Variants in ACVR2A observed in about 807,000 individuals in gnomAD.
ACVR2A encodes the protein activin receptor type-2A.
In ACVR2A, 7 loss-of-function variants were observed where a neutral mutation model predicts 61.4. The observed-to-expected ratio is 0.11, with a 90% CI of 0.06 to 0.21. ACVR2A has a LOEUF of 0.21. ACVR2A is among the 10% of genes least tolerant of loss of function. The probability of loss-of-function intolerance (pLI) is 1.00; values close to 1 mark genes in which losing one functional copy is unlikely to be tolerated. For synonymous variants in ACVR2A, 193 were observed against 208.3 expected (o/e 0.93, Z 0.63); for missense variants, 322 against 621.7 (o/e 0.52, Z 5.13).
chr2:147,844,975 C>CTTTT, upstream of ACVR2A: 2 of 126,920 alleles, frequency 1.6e-5, no homozygotes, highest in South Asian at 1.5e-4. Context: ...TCTTTTTTTT[C>CTTTT]TTTTTTTTTT....
At chr2:147,846,987 G>A (rs1310711331) in intron 1 of ACVR2A, among the ~76,000 whole-genome samples, 1 of 152,028 alleles carries the variant, frequency 6.6e-6, no homozygotes, top group East Asian at 1.9e-4. Flanking sequence ...TTCTTGAAAA[G>A]CAGGCTGTCG....
chr2:147,881,289 A>G (rs1006245886), intron 1 of ACVR2A, among the ~76,000 whole-genome samples: 1 of 152,142 alleles, frequency 6.6e-6, no homozygotes, highest in East Asian at 1.9e-4. Flanking sequence ...TTGATTTTAA[A>G]ATCAGTGTCT....
At chr2:147,880,863 C>G (rs949325727) in intron 1 of ACVR2A, among the ~76,000 whole-genome samples, 1 of 152,088 alleles carries the variant, frequency 6.6e-6, no homozygotes, top group African/African-American at 2.4e-5. Flanking sequence ...TAGCATGTCA[C>G]CAGAATAGAT....
At chr2:147,908,057 AAAAAAAG>A (rs1236225079) in intron 4 of ACVR2A, among the ~76,000 whole-genome samples, 5 of 145,918 alleles carry the variant, frequency 3.4e-5, no homozygotes, top group South Asian at 2.2e-4. Context: ...AAAAAAAAGA[AAAAAAAG>A]AAAAAAAAAG....
chr2:147,858,132 C>T (rs760088798), intron 1 of ACVR2A, among the ~76,000 whole-genome samples: 1 of 152,100 alleles, frequency 6.6e-6, no homozygotes, highest in African/African-American at 2.4e-5. Flanking sequence ...CTGCGAAGGA[C>T]GTGCTCTCGT....
In ACVR2A at chr2:147,847,511, T is replaced by A. The variant is rs185169592; in HGVS notation, c.55+2304T>A. ...TCATTTCTAGATATTTGATTTTTTTTAAAAATCAAAATGGGAAACAATAGT... is the reference window on the plus strand; with the variant it reads ...TCATTTCTAGATATTTGATTTTTTTAAAAAATCAAAATGGGAAACAATAGT... On this transcript the variant is annotated intron_variant, in intron 1 of 10. Coordinates refer to ENST00000241416, the MANE Select transcript of ACVR2A (RefSeq NM_001616.5). Among the ~76,000 whole-genome samples the A allele has an allele frequency of 2.7e-3, 409 of 152,284 alleles. 8 individuals carry two copies. Among genetic ancestry groups the A allele is most frequent in the East Asian group, 0.021 (110 of 5,180 alleles).
chr2:147,887,596 AAATT>A (rs1308426808), intron 1 of ACVR2A, among the ~76,000 whole-genome samples: 21 of 152,176 alleles, frequency 1.4e-4, no homozygotes, highest in African/African-American at 4.3e-4. Context: ...ATTTTTATAA[AAATT>A]AATTTTTTAA....
chr2:147,897,468 T>C (rs1558806934), intron 2 of ACVR2A, among the ~76,000 whole-genome samples: 1 of 152,308 alleles, frequency 6.6e-6, no homozygotes, highest in East Asian at 1.9e-4. Context: ...CCCATAGCTG[T>C]TAGGGTGATC....
intron 1 of ACVR2A, among the ~76,000 whole-genome samples, chr2:147,847,665 C>T (rs528454055): frequency 1.6e-4 from 24 of 152,214 alleles, no homozygotes; most frequent in African/African-American, 5.8e-4. Context: ...AGGATATGGC[C>T]AAGTGTATAA....
chr2:147,844,524 C>A (rs1160950792), upstream of ACVR2A: 1 of 148,802 alleles, frequency 6.7e-6, no homozygotes, highest in Non-Finnish European at 1.5e-5. Flanking sequence ...GCCAGGAGAC[C>A]GAAAACGCGG....
At chr2:147,844,546 G>A (rs942090078), upstream of ACVR2A, 5 of 149,254 alleles carry the variant, frequency 3.3e-5, no homozygotes, top group Non-Finnish European at 4.5e-5. Context: ...CGAGCCCGGA[G>A]CCCGGAGCTG....
chr2:147,870,419 T>A (rs868729641), intron 1 of ACVR2A, among the ~76,000 whole-genome samples: 1 of 152,198 alleles, frequency 6.6e-6, no homozygotes, highest in African/African-American at 2.4e-5. Context: ...CAATGCTGAA[T>A]TTAACATGCC....
At chr2:147,890,987 T>C (rs1686568685) in intron 1 of ACVR2A, among the ~76,000 whole-genome samples, 1 of 152,174 alleles carries the variant, frequency 6.6e-6, no homozygotes, top group African/African-American at 2.4e-5. Flanking sequence ...TCCTTAATCC[T>C]ATCTACCTTA....
At chr2:147,864,151 T>C (rs1420504460) in intron 1 of ACVR2A, among the ~76,000 whole-genome samples, 1 of 152,202 alleles carries the variant, frequency 6.6e-6, no homozygotes, top group Non-Finnish European at 1.5e-5. Context: ...CCTCTTCACA[T>C]TATTTTTAAG....
rs74264254 is a variant in ACVR2A, at chr2:147,889,398, A to G, written c.56-6903A>G. Among the ~76,000 whole-genome samples the G allele has an allele frequency of 9.7e-4, 147 of 152,180 alleles. 2 individuals carry two copies. The highest frequency in any genetic ancestry group is 6.1e-3 in the Admixed American group (93 of 15,298). On this transcript the variant is annotated intron_variant, in intron 1 of 10. Coordinates refer to ENST00000241416, the MANE Select transcript of ACVR2A (RefSeq NM_001616.5). The stretch of plus-strand genomic sequence containing the variant: ...TATATTAATCATGTTTTTAAAAAAC[A>G]AAACTTGAATTGTCCTCAGATACAG...
In ACVR2A at chr2:147,896,211, C is replaced by G. The variant is rs201542030; in HGVS notation, c.56-90C>G. On this transcript the variant is annotated intron_variant, in intron 1 of 10. Transcript: ENST00000241416. ...GTGGGAAGACGGTGAATTACTGACA[C>G]TTTAGGAATACCTAAAGTTGCTATC... The G allele has an allele frequency of 2.2e-5, 26 of 1,190,978 alleles. No homozygotes were observed. In the East Asian group the frequency reaches 5.9e-4, roughly 27 times the overall value. The allele number at this position is 1,190,978 out of a possible 1,614,324, so 73.8% of individuals were successfully genotyped here.
chr2:147,877,191 T>C (rs1202300947), intron 1 of ACVR2A, among the ~76,000 whole-genome samples: 3 of 152,196 alleles, frequency 2.0e-5, no homozygotes, highest in African/African-American at 7.2e-5. Flanking sequence ...TTGGTATCTT[T>C]CAGTGGCCCA....
At chr2:147,922,199 TGTC>T (rs1687397197) in intron 8 of ACVR2A, among the ~76,000 whole-genome samples, 1 of 152,144 alleles carries the variant, frequency 6.6e-6, no homozygotes, top group Admixed American at 6.6e-5. Flanking sequence ...CTTAGTGATC[TGTC>T]TTTATTCTTA....
In ACVR2A at chr2:147,927,242, G is replaced by A; in HGVS notation, c.1510G>A (p.Val504Ile). ...IVTVVTMVTN[V>I]DFPPKESSL is the part of the protein sequence containing the mutation. The stretch of plus-strand genomic sequence containing the variant: ...AACAGTGGTCACAATGGTGACAAAT[G>A]TTGACTTTCCTCCCAAAGAATCTAG... The change falls in exon 11 of 11, where the codon GTT (valine) becomes ATT (isoleucine). Residue 504 changes from valine to isoleucine, a missense_variant. By Grantham distance (29) the Val-to-Ile change is conservative. This residue lies in a region of ACVR2A where 34 missense variants were observed against 37.6 expected (regional missense o/e 0.91). Coordinates refer to ENST00000241416, the MANE Select transcript of ACVR2A (RefSeq NM_001616.5). The A allele has an allele frequency of 6.2e-7, 1 of 1,611,580 alleles. No homozygotes were observed. Among genetic ancestry groups the A allele is most frequent in the Non-Finnish European group, 8.5e-7 (1 of 1,178,490 alleles).
Sources: allele counts gnomAD v4.1 joint callset (sites outside exome capture counted in the v4.1 genomes callset), GRCh38; gene constraint gnomAD v4.1.1; regional missense constraint gnomAD v4.1.1; transcripts MANE v1.5; gene names NCBI Gene and HGNC (gene_info 2026-07-23, HGNC 2026-07-21).